The following SQLE variants were observed in gnomAD, a reference collection of about 807,000 sequenced individuals.
SQLE encodes squalene monooxygenase.
A neutral mutation model predicts 60.7 loss-of-function variants in SQLE; 29 were observed. That is an observed-to-expected ratio of 0.48 (90% CI 0.36 to 0.65). SQLE has a LOEUF of 0.65. Among genes scored for constraint, SQLE ranks in the 30% least tolerant of loss-of-function variants. SQLE has a pLI of 0.00. For synonymous variants in SQLE, 237 were observed against 246.8 expected (o/e 0.96, Z 0.37); for missense variants, 605 against 684.1 (o/e 0.88, Z 1.29).
chr8:125,002,334 C>T (rs7001228), intron 1 of SQLE, among the ~76,000 whole-genome samples: 1 of 151,960 alleles, frequency 6.6e-6, no homozygotes, highest in Non-Finnish European at 1.5e-5. Flanking sequence ...ATTAAATTAA[C>T]ATAGATTTTT....
At chr8:125,013,016 A>G (rs1815060378) in intron 7 of SQLE, among the ~76,000 whole-genome samples, 1 of 152,208 alleles carries the variant, frequency 6.6e-6, no homozygotes. Flanking sequence ...ATGATGTTGA[A>G]CATCTTTTCA....
intron 6 of SQLE, among the ~76,000 whole-genome samples, chr8:125,010,688 G>A (rs1321932553): frequency 6.6e-6 from 1 of 151,928 alleles, no homozygotes; most frequent in Admixed American, 6.6e-5. Context: ...TTCAGATGGG[G>A]AAATTATGAA....
chr8:125,018,218 TG>T lies in SQLE; in HGVS notation c.1347+18del. 1 of 1,608,062 alleles carries T rather than the reference TG, an allele frequency of 6.2e-7. No homozygotes were observed. The highest frequency in any genetic ancestry group is 8.5e-7 in the Non-Finnish European group (1 of 1,177,892). On this transcript the variant is annotated intron_variant, in intron 8 of 10. Coordinates refer to ENST00000265896, the MANE Select transcript of SQLE (RefSeq NM_003129.4). The stretch of plus-strand genomic sequence containing the variant: ...ATTTTCGAGGTAAGATCAATTATTT[TG>T]ACAAAAATGTCTCAAAATGGATTTA...
At chr8:125,021,208 G>A (rs10216437) in intron 10 of SQLE, among the ~76,000 whole-genome samples, 74,366 of 151,976 alleles carry the variant, frequency 0.49, 20,954 homozygotes, top group African/African-American at 0.78. Context: ...ATTGAAGTAC[G>A]GGGACTTATA....
intron 1 of SQLE, among the ~76,000 whole-genome samples, chr8:125,000,242 GC>G (rs1814820988): frequency 6.6e-6 from 1 of 152,138 alleles, no homozygotes; most frequent in Non-Finnish European, 1.5e-5. Flanking sequence ...TAACATAAAG[GC>G]CAGGTCTTCA....
intron 7 of SQLE, among the ~76,000 whole-genome samples, chr8:125,017,325 C>T (rs1039235871): frequency 6.6e-6 from 1 of 151,806 alleles, no homozygotes; most frequent in Admixed American, 6.6e-5. Flanking sequence ...GGCACCCAAA[C>T]CTTAAGACAT....
chr8:125,002,942 A>G (rs1402970716), intron 1 of SQLE, among the ~76,000 whole-genome samples: 1 of 152,228 alleles, frequency 6.6e-6, no homozygotes, highest in Non-Finnish European at 1.5e-5. Flanking sequence ...TTAGAAAACA[A>G]TAAATATTTA....
chr8:125,019,527 G>T (rs751132042), intron 9 of SQLE, among the ~76,000 whole-genome samples: 4 of 152,138 alleles, frequency 2.6e-5, no homozygotes, highest in Non-Finnish European at 4.4e-5. Flanking sequence ...GCTATATGAA[G>T]TGCCACTGCA....
intron 10 of SQLE, 142 bp from the exon 11 acceptor site, chr8:125,021,611 T>C (rs993512741): frequency 1.7e-4 from 101 of 582,592 alleles, no homozygotes; most frequent in Admixed American, 2.1e-4. Flanking sequence ...CTCTAAAATG[T>C]AGAATGTTTC....
At position 125,009,246 on chromosome 8, in the gene SQLE, T is replaced by TTC; in HGVS notation, c.1012_1013dup (p.Ser339HisfsTer19). On this transcript the variant is annotated frameshift_variant, in exon 6 of 11. Coordinates refer to ENST00000265896, the MANE Select transcript of SQLE (RefSeq NM_003129.4). LOFTEE classifies it high-confidence loss of function. ...CGAGTCCAGTTCTCATCTACCAGATTTCATCCAGTGAAACTCGAGTACTTG... is the reference window on the plus strand; with the variant it reads ...CGAGTCCAGTTCTCATCTACCAGATTTCTCATCCAGTGAAACTCGAGTACTTG... 5 of 1,613,956 alleles carry TTC rather than the reference T, an allele frequency of 3.1e-6. No individual in the cohort carries two copies. The highest frequency in any genetic ancestry group is 4.2e-6 in the Non-Finnish European group (5 of 1,179,890).
chr8:125,020,522 A>T (rs1815186039), intron 9 of SQLE, among the ~76,000 whole-genome samples: 1 of 152,200 alleles, frequency 6.6e-6, no homozygotes, highest in African/African-American at 2.4e-5. Flanking sequence ...AAAATCAAGG[A>T]AGTACCTTTT....
In SQLE at chr8:124,999,565, C is replaced by T; in HGVS notation, c.162C>T (p.Leu54=). The change falls in exon 1 of 11, where the codon CTC becomes CTT. Residue 54 remains leucine (L), a synonymous_variant. Coordinates refer to ENST00000265896, the MANE Select transcript of SQLE (RefSeq NM_003129.4). The stretch of plus-strand genomic sequence containing the variant: ...GTCGCCACCGAAACGGGGGTCTCCT[C>T]GGGCGCCAGCAGAGCGGCTCCCAGT... ...YRCRHRNGGL[L]GRQQSGSQFA... 3 of 1,613,358 alleles carry T rather than the reference C, an allele frequency of 1.9e-6. No individual in the cohort carries two copies. Among genetic ancestry groups the T allele is most frequent in the East Asian group, 2.2e-5 (1 of 44,846 alleles).
At chr8:125,001,061 G>A (rs4347009) in intron 1 of SQLE, among the ~76,000 whole-genome samples, 53,926 of 151,906 alleles carry the variant, frequency 0.35, 12,069 homozygotes, top group African/African-American at 0.62. Flanking sequence ...ATCTCTTAGG[G>A]TGAGCTTTAT....
intron 1 of SQLE, among the ~76,000 whole-genome samples, chr8:125,001,105 G>A (rs568863939): frequency 6.6e-6 from 1 of 152,280 alleles, no homozygotes; most frequent in Admixed American, 6.5e-5. Context: ...TGGTGCATGG[G>A]TTTGAGGAAT....
At chr8:125,007,630 T>G in intron 4 of SQLE, 143 bp downstream of exon 4, 1 of 517,290 alleles carries the variant, frequency 1.9e-6, no homozygotes. Context: ...TGTTTCAGAT[T>G]TTTTATTTTT....
rs1041191875 is a variant in SQLE at position 125,007,421 on chromosome 8, G to T, written c.756G>T (p.Gln252His). The T allele has an allele frequency of 2.6e-6, 4 of 1,556,404 alleles. No homozygotes were observed. The highest frequency in any genetic ancestry group is 2.7e-5 in the African/African-American group (2 of 73,544). ...AGTTTATTGAAGGTGTTGTGTTACA[G>T]TTATTAGAGGAAGATGATGTTGTGA... ...NAKFIEGVVL[Q>H]LLEEDDVVMG... The change falls in exon 4 of 11, where the codon CAG becomes CAT. Residue 252 changes from glutamine (Q) to histidine (H), a missense_variant. Gln to His is a conservative substitution (Grantham distance 24). Transcript: ENST00000265896.
At chr8:125,015,277 T>C (rs1408077766) in intron 7 of SQLE, among the ~76,000 whole-genome samples, 1 of 152,196 alleles carries the variant, frequency 6.6e-6, no homozygotes, top group Non-Finnish European at 1.5e-5. Flanking sequence ...TTTCAGTCTC[T>C]TTGTGGCTTT....
intron 7 of SQLE, among the ~76,000 whole-genome samples, chr8:125,012,783 T>G (rs1174689974): frequency 6.6e-6 from 1 of 152,232 alleles, no homozygotes; most frequent in Non-Finnish European, 1.5e-5. Flanking sequence ...CCAAGAGTGA[T>G]ATTGCTGGAT....
rs557407101 is a variant in SQLE, at chr8:125,003,560, C to T, written c.544+132C>T. On this transcript the variant is annotated intron_variant, in intron 2 of 10. Transcript: ENST00000265896. ...AAAATTTTCTATACTCATTTACCAA[C>T]AAATTTGCATGAAAGTGAGAGCAAA... 1,172 of 1,110,856 alleles carry T rather than the reference C, an allele frequency of 1.1e-3. 2 individuals carry two copies. Among genetic ancestry groups the T allele is most frequent in the Non-Finnish European group, 1.4e-3 (1,115 of 783,228 alleles). 68.8% of individuals were successfully genotyped at this position (1,110,856 alleles called of 1,614,324 possible). A position where few individuals can be genotyped will look rare whatever the true frequency, so the allele number is the denominator to read the frequency against.
Sources: allele counts gnomAD v4.1 joint callset (sites outside exome capture counted in the v4.1 genomes callset), GRCh38; gene constraint gnomAD v4.1.1; transcripts MANE v1.5; gene names NCBI Gene and HGNC (gene_info 2026-07-23, HGNC 2026-07-21).